Variants in CCDC192 observed in about 807,000 individuals in gnomAD.
The protein encoded by CCDC192 is coiled-coil domain containing 192.
chr5:127,735,368 T>C (rs1025683077), intron 2 of CCDC192, among the ~76,000 whole-genome samples: 3 of 148,516 alleles, frequency 2.0e-5, no homozygotes, highest in African/African-American at 7.7e-5. Context: ...GTGTGATGCC[T>C]CCAGCTTTGT....
At chr5:127,853,922 T>C (rs527874094) in intron 5 of CCDC192, among the ~76,000 whole-genome samples, 2 of 152,320 alleles carry the variant, frequency 1.3e-5, no homozygotes, top group East Asian at 3.9e-4. Context: ...TGTCTGCTTA[T>C]GTGTTTATGC....
intron 3 of CCDC192, among the ~76,000 whole-genome samples, chr5:127,774,271 A>T (rs899924953): frequency 6.6e-6 from 1 of 152,168 alleles, no homozygotes; most frequent in African/African-American, 2.4e-5. Flanking sequence ...GCCAAGTCAA[A>T]TTTAACTATT....
intron 5 of CCDC192, among the ~76,000 whole-genome samples, chr5:127,852,110 C>T (rs1265112026): frequency 2.0e-5 from 3 of 152,186 alleles, no homozygotes; most frequent in South Asian, 4.1e-4. Flanking sequence ...ATGTTTTCCA[C>T]GATACCAACC....
intron 5 of CCDC192, among the ~76,000 whole-genome samples, chr5:127,846,819 C>CAAAA (rs551016691): frequency 6.3e-5 from 4 of 63,680 alleles, no homozygotes; most frequent in Non-Finnish European, 8.7e-5. Flanking sequence ...GTCAATAAAG[C>CAAAA]AAAAAAAAAA....
intron 5 of CCDC192, among the ~76,000 whole-genome samples, chr5:127,805,616 C>G (rs950949262): frequency 5.3e-5 from 8 of 152,160 alleles, no homozygotes; most frequent in Admixed American, 3.3e-4. Context: ...TCCTGCGGGC[C>G]ATTCTCTTAG....
intron 3 of CCDC192, among the ~76,000 whole-genome samples, chr5:127,763,572 A>G (rs2126893351): frequency 6.6e-6 from 1 of 152,330 alleles, no homozygotes; most frequent in East Asian, 1.9e-4. Context: ...ATCTTAAATT[A>G]GCCTGATTTC....
At chr5:127,828,066 C>G (rs1214863210) in intron 5 of CCDC192, among the ~76,000 whole-genome samples, 1 of 152,086 alleles carries the variant, frequency 6.6e-6, no homozygotes, top group African/African-American at 2.4e-5. Context: ...GCCACCATGC[C>G]CGGCTAATTT....
intron 3 of CCDC192, among the ~76,000 whole-genome samples, chr5:127,760,978 A>C (rs985786636): frequency 3.3e-5 from 5 of 152,148 alleles, no homozygotes; most frequent in African/African-American, 9.7e-5. Context: ...TGAACAAGAA[A>C]GTTAAAGGAA....
In CCDC192 at chr5:127,905,009, T is replaced by C. The variant is rs112561159; in HGVS notation, c.535+29348T>C. On this transcript the variant is annotated intron_variant, in intron 6 of 6. Coordinates refer to ENST00000514853, the MANE Select transcript of CCDC192 (RefSeq NM_001317938.2). ...CCACCTGGGCAAATTGGAAGACTCA[T>C]GTTGAGGTAGTTGCTGCTACTAGAT... Among the ~76,000 whole-genome samples, 783 of 152,000 alleles carry C rather than the reference T, an allele frequency of 5.2e-3. 12 individuals are homozygous for C. The highest frequency in any genetic ancestry group is 0.018 in the African/African-American group (763 of 41,356).
chr5:127,739,885 C>A (rs1057135702), intron 2 of CCDC192: 1 of 154,400 alleles, frequency 6.5e-6, no homozygotes, highest in Non-Finnish European at 1.4e-5. Flanking sequence ...AGAAATCACC[C>A]GTCTTCTGCG....
chr5:127,750,447 G>A (rs1388234206), intron 2 of CCDC192, among the ~76,000 whole-genome samples: 4 of 152,110 alleles, frequency 2.6e-5, no homozygotes, highest in Admixed American at 6.6e-5. Context: ...TTAATCCTGA[G>A]TTCTAGTTTG....
At chr5:127,765,924 A>G (rs1465412600) in intron 3 of CCDC192, among the ~76,000 whole-genome samples, 1 of 152,132 alleles carries the variant, frequency 6.6e-6, no homozygotes, top group Non-Finnish European at 1.5e-5. Flanking sequence ...GATCCCCAGT[A>G]TTTGTGCGTC....
chr5:127,832,187 G>A (rs1749827133), intron 5 of CCDC192, among the ~76,000 whole-genome samples: 1 of 152,152 alleles, frequency 6.6e-6, no homozygotes, highest in South Asian at 2.1e-4. Context: ...GCAGAAATTA[G>A]TACAGTGAGG....
At chr5:127,888,744 C>T (rs1436923638) in intron 6 of CCDC192, among the ~76,000 whole-genome samples, 1 of 152,160 alleles carries the variant, frequency 6.6e-6, no homozygotes, top group East Asian at 1.9e-4. Flanking sequence ...CAGCTGACTA[C>T]TCTGAATGTG....
chr5:127,736,520 T>G (rs1483822402), intron 2 of CCDC192, among the ~76,000 whole-genome samples: 3 of 151,900 alleles, frequency 2.0e-5, no homozygotes, highest in Non-Finnish European at 2.9e-5. Context: ...GTTCCTCCTT[T>G]TACCTCTGGT....
chr5:127,771,732 C>G (rs556273566), intron 3 of CCDC192, among the ~76,000 whole-genome samples: 1 of 152,118 alleles, frequency 6.6e-6, no homozygotes, highest in African/African-American at 2.4e-5. Context: ...TAACAGAATC[C>G]CAATTAAAGT....
intron 5 of CCDC192, among the ~76,000 whole-genome samples, chr5:127,829,660 GTACAACA>G (rs1253897126): frequency 6.6e-6 from 1 of 152,172 alleles, no homozygotes; most frequent in Non-Finnish European, 1.5e-5. Flanking sequence ...GCATGAAGAA[GTACAACA>G]TCTTAGTGGG....
At chr5:127,899,477 C>CTCA (rs973539491) in intron 6 of CCDC192, among the ~76,000 whole-genome samples, 93 of 150,844 alleles carry the variant, frequency 6.2e-4, no homozygotes, top group African/African-American at 2.2e-3. Context: ...GTTGGCAAGC[C>CTCA]AGAGGGCCTG....
At chr5:127,828,676 T>C (rs1437177333) in intron 5 of CCDC192, among the ~76,000 whole-genome samples, 3 of 152,126 alleles carry the variant, frequency 2.0e-5, no homozygotes, top group South Asian at 2.1e-4. Flanking sequence ...TAGCCCCTAA[T>C]TGAGCCTGAG....
Sources: gnomAD v4.1 joint callset for allele counts (sites outside exome capture counted in the v4.1 genomes callset) on GRCh38, gnomAD v4.1.1 for gene constraint, MANE v1.5 for transcripts, NCBI Gene and HGNC (gene_info 2026-07-23, HGNC 2026-07-21) for gene names.